The following ANKMY1 variants were observed in gnomAD, a reference collection of about 807,000 sequenced individuals.
ANKMY1 encodes the protein ankyrin repeat and MYND domain-containing protein 1.
In ANKMY1, 98 loss-of-function variants were observed where a neutral mutation model predicts 102.0. The ratio of observed to expected loss-of-function variants is 0.96; its 90% CI spans 0.82 to 1.14. The LOEUF (loss-of-function observed/expected upper bound fraction) is 1.14, where lower values mean the gene tolerates loss of function less well. Ranked by LOEUF, ANKMY1 falls within the 50% of genes most tolerant of loss-of-function variation. The probability of loss-of-function intolerance (pLI) is 0.00; values close to 1 mark genes in which losing one functional copy is unlikely to be tolerated. For synonymous variants in ANKMY1, 582 were observed against 559.9 expected (o/e 1.04, Z -0.56); for missense variants, 1,330 against 1,347.6 (o/e 0.99, Z 0.20).
In ANKMY1 at chr2:240,546,012, C is replaced by T. The variant is rs535016770; in HGVS notation, c.480+6902G>A. Among the ~76,000 whole-genome samples, 642 of 152,018 alleles carry T rather than the reference C, an allele frequency of 4.2e-3. 7 individuals are homozygous for T. Among genetic ancestry groups the T allele is most frequent in the African/African-American group, 0.015 (617 of 41,460 alleles). On this transcript the variant is annotated intron_variant, in intron 4 of 17. Transcript: ENST00000401804. ...TCAGATTCAGGAAATACAGAGAACG[C>T]CACAAAGATACTCCTCAAGAAGAGC...
chr2:240,498,595 C>CGT (rs1344327555), intron 15 of ANKMY1, among the ~76,000 whole-genome samples: 2 of 151,328 alleles, frequency 1.3e-5, no homozygotes, highest in Non-Finnish European at 2.9e-5. Flanking sequence ...AGTATGCAAG[C>CGT]GTGTGGGTGG....
intron 4 of ANKMY1, among the ~76,000 whole-genome samples, chr2:240,550,653 A>C (rs1282715002): frequency 6.6e-6 from 1 of 152,168 alleles, no homozygotes; most frequent in Non-Finnish European, 1.5e-5. Context: ...ATTATACCGG[A>C]AGCATTGTAA....
chr2:240,521,490 GCTTT>G (rs1559312507), intron 8 of ANKMY1, among the ~76,000 whole-genome samples: 2 of 109,754 alleles, frequency 1.8e-5, no homozygotes, highest in African/African-American at 3.5e-5. Context: ...CGGTGTTACA[GCTTT>G]TTTTTTTTTT....
At chr2:240,519,048 C>T (rs138778416) in intron 9 of ANKMY1, among the ~76,000 whole-genome samples, 157 of 152,280 alleles carry the variant, frequency 1.0e-3, no homozygotes, top group Middle Eastern at 6.8e-3. Flanking sequence ...AAACGATGGA[C>T]GAGTGTTTAC....
In ANKMY1 at chr2:240,557,234, G is replaced by A. The variant is rs1373235600; in HGVS notation, c.102C>T (p.Ala34=). ...LEGKGGETPA[A]EEPGSLKNYA... ...AGTTCTTCAGGGACCCCGGCTCCTCGGCAGCAGGGGTCTCGCCGCCCTTCC... is the reference window on the plus strand; with the variant it reads ...AGTTCTTCAGGGACCCCGGCTCCTCAGCAGCAGGGGTCTCGCCGCCCTTCC... Residue 34 remains alanine (A), a synonymous_variant, in exon 2 of 18, where the codon GCC becomes GCT. Transcript: ENST00000401804. 4.4e-6 allele frequency: 7 copies of A among 1,591,594 alleles called. No homozygotes were observed. The highest frequency in any genetic ancestry group is 6.0e-6 in the Non-Finnish European group (7 of 1,168,292).
chr2:240,503,884 G>A (rs540914987), intron 13 of ANKMY1, among the ~76,000 whole-genome samples: 119 of 152,322 alleles, frequency 7.8e-4, no homozygotes, highest in African/African-American at 2.8e-3. Context: ...CTTTTAAGAA[G>A]GGACTTTTGG....
At chr2:240,484,333 G>A (rs2075792870) in intron 15 of ANKMY1, among the ~76,000 whole-genome samples, 1 of 152,162 alleles carries the variant, frequency 6.6e-6, no homozygotes, top group Non-Finnish European at 1.5e-5. Context: ...AAAACAGCAT[G>A]GTACTGGTAC....
chr2:240,524,013 G>A lies in ANKMY1; in HGVS notation c.1704C>T (p.Ile568=), dbSNP rs145604682. 1.4e-4 allele frequency: 225 copies of A among 1,613,934 alleles called. No homozygotes were observed. In the African/African-American group the frequency reaches 2.0e-3, roughly 15 times the overall value. The part of the protein sequence containing the change: ...ESNVCVCDFS[I]ELSQAMLERS... ...TCTCCAGCATGGCCTGCGAGAGCTC[G>A]ATGGAGAAGTCGCACACACACACGT... The change falls in exon 8 of 18, where the codon ATC becomes ATT. Residue 568 remains isoleucine (I), a synonymous_variant. Transcript: ENST00000401804.
intron 15 of ANKMY1, among the ~76,000 whole-genome samples, chr2:240,496,343 G>C (rs1001557031): frequency 6.7e-6 from 1 of 148,604 alleles, no homozygotes; most frequent in Non-Finnish European, 1.5e-5. Flanking sequence ...TCTGCTTCTG[G>C]TACTCTAATT....
rs754037143 is a variant in ANKMY1, at chr2:240,525,802, G to A, written c.1218C>T (p.Ala406=). Residue 406 remains alanine, a synonymous_variant, in exon 7 of 18, where the codon GCC becomes GCT. Transcript: ENST00000401804. ...CCTCATCTGAGCACTTGTTCACGTCGGCCCCACAGTCCAGGAGAAGGTTGA... is the reference window on the plus strand; with the variant it reads ...CCTCATCTGAGCACTTGTTCACGTCAGCCCCACAGTCCAGGAGAAGGTTGA... ...DIVNLLLDCG[A]DVNKCSDEGL... 57 of 1,613,954 alleles carry A rather than the reference G, an allele frequency of 3.5e-5. No homozygotes were observed. In the Middle Eastern group the frequency reaches 6.6e-4, roughly 19 times the overall value.
chr2:240,483,637 TTTCCTC>T (rs891446942), intron 15 of ANKMY1, among the ~76,000 whole-genome samples: 4 of 152,234 alleles, frequency 2.6e-5, no homozygotes, highest in African/African-American at 9.6e-5. Flanking sequence ...GTCTCAGAAT[TTTCCTC>T]TTCCTTTATT....
At chr2:240,510,951 C>T (rs1377170872) in intron 11 of ANKMY1, among the ~76,000 whole-genome samples, 1 of 152,090 alleles carries the variant, frequency 6.6e-6, no homozygotes, top group East Asian at 1.9e-4. Flanking sequence ...CTTCCTGGAG[C>T]CTCACTGTTC....
At chr2:240,474,006 T>A in the ANKMY1 span, among the ~76,000 whole-genome samples, 1 of 152,194 alleles carries the variant, frequency 6.6e-6, no homozygotes, top group Non-Finnish European at 1.5e-5. Context: ...TTATTGGAAG[T>A]CCTTGCCAGA....
intron 4 of ANKMY1, among the ~76,000 whole-genome samples, chr2:240,537,020 C>A (rs1383274328): frequency 6.6e-6 from 1 of 151,820 alleles, no homozygotes; most frequent in Non-Finnish European, 1.5e-5. Flanking sequence ...CCACCGTACC[C>A]ATCCAAATAT....
intron 17 of ANKMY1, among the ~76,000 whole-genome samples, chr2:240,480,687 A>G (rs1454509791): frequency 6.6e-6 from 1 of 152,166 alleles, no homozygotes; most frequent in African/African-American, 2.4e-5. Context: ...CCAGCTCTGC[A>G]GGGATGGGGT....
At chr2:240,474,157 G>T in the ANKMY1 span, among the ~76,000 whole-genome samples, 1 of 151,278 alleles carries the variant, frequency 6.6e-6, no homozygotes, top group Non-Finnish European at 1.5e-5. Context: ...GTGCAGTGGC[G>T]CAATCTTGGC....
chr2:240,539,284 C>T (rs536500223), intron 4 of ANKMY1, among the ~76,000 whole-genome samples: 7 of 151,696 alleles, frequency 4.6e-5, no homozygotes, highest in South Asian at 4.2e-4. Context: ...CTGGGAGGAA[C>T]GAACAACTCT....
intron 13 of ANKMY1, among the ~76,000 whole-genome samples, chr2:240,504,376 T>C (rs1261368723): frequency 6.6e-6 from 1 of 152,150 alleles, no homozygotes; most frequent in Non-Finnish European, 1.5e-5. Flanking sequence ...GCTGAAACTA[T>C]AAAACTCTTA....
At chr2:240,549,642 T>A (rs1016251690) in intron 4 of ANKMY1, among the ~76,000 whole-genome samples, 28 of 152,166 alleles carry the variant, frequency 1.8e-4, no homozygotes, top group Non-Finnish European at 4.1e-4. Flanking sequence ...ATCCAGAATC[T>A]ACAATGAACT....
Sources: gnomAD v4.1 joint callset for allele counts (sites outside exome capture counted in the v4.1 genomes callset) on GRCh38, gnomAD v4.1.1 for gene constraint, MANE v1.5 for transcripts, NCBI Gene and HGNC (gene_info 2026-07-23, HGNC 2026-07-21) for gene names.